CAST: variants seen among roughly 807,000 people sequenced by gnomAD.
CAST encodes MIR583 host.
Under a neutral mutation model 119.6 loss-of-function variants are expected in CAST, and 76 were observed. That is an observed-to-expected ratio of 0.64 (90% confidence interval 0.53 to 0.77). The LOEUF is 0.77. CAST is among the 30% of genes least tolerant of loss of function. CAST has a pLI of 0.00. For synonymous variants in CAST, 319 were observed against 331.6 expected (o/e 0.96, Z 0.41); for missense variants, 953 against 946.5 (o/e 1.01, Z -0.09).
chr5:96,109,153 C>G, the CAST span, among the ~76,000 whole-genome samples: 1 of 152,212 alleles, frequency 6.6e-6, no homozygotes, highest in Admixed American at 6.5e-5. Context: ...GAACCCGGTA[C>G]CTCAGATGGA....
intron 9 of CAST, among the ~76,000 whole-genome samples, 194 bp downstream of exon 9, chr5:96,731,054 A>G (rs1462658619): frequency 6.6e-6 from 1 of 152,216 alleles, no homozygotes; most frequent in Non-Finnish European, 1.5e-5. Context: ...TTATATATTC[A>G]ATAACTGCTT....
the CAST span, among the ~76,000 whole-genome samples, chr5:95,963,093 T>C: frequency 6.6e-6 from 1 of 152,164 alleles, no homozygotes; most frequent in East Asian, 1.9e-4. Flanking sequence ...AAACAAACCA[T>C]TGAAAGCTTT....
chr5:96,340,440 G>A, the CAST span, among the ~76,000 whole-genome samples: 3 of 150,884 alleles, frequency 2.0e-5, no homozygotes, highest in Non-Finnish European at 2.9e-5. Flanking sequence ...TTTTATTTCC[G>A]TTTTTAATGA....
chr5:96,445,457 C>T, the CAST span, among the ~76,000 whole-genome samples: 26,791 of 152,132 alleles, frequency 0.18, 4,043 homozygotes, highest in African/African-American at 0.41. Flanking sequence ...GGACTCATTG[C>T]CCAGACACAT....
intron 1 of CAST, among the ~76,000 whole-genome samples, chr5:96,638,502 G>A (rs892194002): frequency 6.6e-6 from 1 of 152,216 alleles, no homozygotes; most frequent in African/African-American, 2.4e-5. Flanking sequence ...CATAGGAAAA[G>A]CCTTTGACAT....
chr5:96,533,042 A>AAT (rs1561408301), intron 1 of CAST, among the ~76,000 whole-genome samples: 1 of 151,718 alleles, frequency 6.6e-6, no homozygotes, highest in Non-Finnish European at 1.5e-5. Context: ...AAAAAATAAA[A>AAT]ATAAAAATAA....
At chr5:96,731,573 A>G (rs1348782453) in intron 9 of CAST, among the ~76,000 whole-genome samples, 1 of 146,358 alleles carries the variant, frequency 6.8e-6, no homozygotes, top group African/African-American at 2.6e-5. Context: ...ACATATGTAT[A>G]CATGTGCCAT....
At chr5:96,393,363 C>G in the CAST span, 23 of 1,613,838 alleles carry the variant, frequency 1.4e-5, no homozygotes, top group South Asian at 2.4e-4. Context: ...TTAGGGTTCT[C>G]TTGTGTGGGC....
the CAST span, chr5:96,400,078 C>T: frequency 6.2e-6 from 10 of 1,614,164 alleles, no homozygotes; most frequent in Non-Finnish European, 8.5e-6. Flanking sequence ...ATCGACTATT[C>T]ACCATCAAGC....
At chr5:96,297,575 T>C in the CAST span, among the ~76,000 whole-genome samples, 1 of 152,166 alleles carries the variant, frequency 6.6e-6, no homozygotes. Flanking sequence ...GGCACATTTT[T>C]TTATGCTCTC....
chr5:96,761,214 A>C (rs1767835782), intron 24 of CAST: 1 of 152,230 alleles, frequency 6.6e-6, no homozygotes, highest in African/African-American at 2.4e-5. Context: ...TAAAAGGCTT[A>C]AATAATAAGT....
upstream of CAST, among the ~76,000 whole-genome samples, chr5:96,660,765 T>A (rs1310281926): frequency 1.3e-5 from 2 of 152,126 alleles, no homozygotes; most frequent in Non-Finnish European, 1.5e-5. Context: ...CATAAGAAGA[T>A]CTTGTTTTCA....
chr5:96,345,013 G>T, the CAST span, among the ~76,000 whole-genome samples: 1 of 152,110 alleles, frequency 6.6e-6, no homozygotes, highest in Non-Finnish European at 1.5e-5. Context: ...GGCTTGATGT[G>T]CTTATGTGTA....
chr5:96,423,892 A>G, the CAST span, among the ~76,000 whole-genome samples: 1 of 152,212 alleles, frequency 6.6e-6, no homozygotes, highest in Non-Finnish European at 1.5e-5. Context: ...TCATTCATGA[A>G]TGTTTTAGAA....
At chr5:96,346,338 C>G in the CAST span, among the ~76,000 whole-genome samples, 1 of 152,132 alleles carries the variant, frequency 6.6e-6, no homozygotes, top group South Asian at 2.1e-4. Flanking sequence ...TGTGAGGCAT[C>G]TAATTTGAAT....
intron 1 of CAST, among the ~76,000 whole-genome samples, chr5:96,642,655 C>T (rs1747966055): frequency 6.6e-6 from 1 of 151,678 alleles, no homozygotes; most frequent in Non-Finnish European, 1.5e-5. Context: ...AATTCTCGTG[C>T]TTCAGCCTCC....
the CAST span, among the ~76,000 whole-genome samples, chr5:96,017,183 T>C: frequency 6.6e-6 from 1 of 152,184 alleles, no homozygotes; most frequent in Non-Finnish European, 1.5e-5. Flanking sequence ...GCTGGACCTC[T>C]GACAAATATT....
At chr5:96,007,528 G>A in the CAST span, among the ~76,000 whole-genome samples, 4,039 of 152,286 alleles carry the variant, frequency 0.027, 174 homozygotes, top group African/African-American at 0.091. Flanking sequence ...ATCTAGAGGT[G>A]AGCCCCTTGA....
the CAST span, chr5:95,961,879 C>G: frequency 3.2e-6 from 3 of 926,046 alleles, no homozygotes; most frequent in South Asian, 6.5e-5. Context: ...GGACTGCCAC[C>G]GCCGCCACCC....
Sources: gnomAD v4.1 joint callset for allele counts (sites outside exome capture counted in the v4.1 genomes callset) on GRCh38, gnomAD v4.1.1 for gene constraint, MANE v1.5 for transcripts, NCBI Gene and HGNC (gene_info 2026-07-23, HGNC 2026-07-21) for gene names.